ZNHIT6: variants seen among roughly 807,000 people sequenced by gnomAD.
ZNHIT6 encodes the protein box C/D snoRNA protein 1.
Under a neutral mutation model 57.2 loss-of-function variants are expected in ZNHIT6, and 45 were observed. The observed-to-expected ratio is 0.79, with a 90% confidence interval of 0.62 to 1.01. ZNHIT6 has a LOEUF of 1.01. Ranked by LOEUF, ZNHIT6 falls within the 50% of genes least tolerant of loss-of-function variation. The pLI is 0.00. For synonymous variants in ZNHIT6, 188 were observed against 190.0 expected, an observed-to-expected ratio of 0.99 and a Z score of 0.09; for missense variants, 528 against 567.3, an observed-to-expected ratio of 0.93 and a Z score of 0.70.
chr1:85,667,961 A>AAAAAAAAAAAAAAAAGTATATATATAT, intron 8 of ZNHIT6, among the ~76,000 whole-genome samples: 3 of 18,200 alleles, frequency 1.6e-4, no homozygotes, highest in African/African-American at 4.2e-4. Flanking sequence ...AAAAAAAAAA[A>AAAAAAAAAAAAAAAAGTATATATATAT]ATATATATAT....
At position 85,650,303 on chromosome 1, in the gene ZNHIT6, T is replaced by C. The variant is rs1289567092; in HGVS notation, c.*3755A>G. 1 of 152,180 alleles carries C rather than the reference T, an allele frequency of 6.6e-6. No individual in the cohort carries two copies. The highest frequency in any genetic ancestry group is 1.5e-5 in the Non-Finnish European group (1 of 68,048). 9.4% of individuals were successfully genotyped at this position (152,180 alleles called of 1,614,324 possible). A position where few individuals can be genotyped will look rare whatever the true frequency, so the allele number is the denominator to read the frequency against. ...TCTCACCTCACTGTTCCTCATCCCA[T>C]ACAGAATATCCCCAAAGGGAAAATC... is the stretch of plus-strand genomic sequence containing the variant. On this transcript the variant is annotated 3_prime_UTR_variant, in exon 10 of 10. Coordinates refer to ENST00000370574, the MANE Select transcript of ZNHIT6 (RefSeq NM_017953.4).
At chr1:85,693,978 TAAAC>T (rs1428623277) in intron 5 of ZNHIT6, among the ~76,000 whole-genome samples, 1 of 151,792 alleles carries the variant, frequency 6.6e-6, no homozygotes, top group Non-Finnish European at 1.5e-5. Context: ...AAAAAACAGA[TAAAC>T]AAAAAACAAA....
chr1:85,687,305 A>AAAAAAAC (rs1277460608), intron 5 of ZNHIT6, among the ~76,000 whole-genome samples: 1 of 145,898 alleles, frequency 6.9e-6, no homozygotes, highest in African/African-American at 2.5e-5. Context: ...AAAACAAAAA[A>AAAAAAAC]AAAAAACAAT....
chr1:85,657,604 C>A (rs1661096268), intron 9 of ZNHIT6, among the ~76,000 whole-genome samples: 1 of 151,886 alleles, frequency 6.6e-6, no homozygotes, highest in Non-Finnish European at 1.5e-5. Context: ...AAAAAAAGTC[C>A]TTTTATAGCC....
At position 85,649,993 on chromosome 1, in the gene ZNHIT6, G is replaced by A. The variant is rs779412361; in HGVS notation, c.*4065C>T. On this transcript the variant is annotated 3_prime_UTR_variant, in exon 10 of 10. Coordinates refer to ENST00000370574, the MANE Select transcript of ZNHIT6 (RefSeq NM_017953.4). Reference sequence around the variant, plus strand: ...TTACTCCTTCTGTTAGTACAAATCAGAAACTTCTTGCTACTCAAATTCAAA... The same window carrying A: ...TTACTCCTTCTGTTAGTACAAATCAAAAACTTCTTGCTACTCAAATTCAAA... 1 of 152,172 alleles carries A rather than the reference G, an allele frequency of 6.6e-6. No individual in the cohort carries two copies. The highest frequency in any genetic ancestry group is 1.5e-5 in the Non-Finnish European group (1 of 68,036). The allele number at this position is 152,172 out of a possible 1,614,324, so 9.4% of individuals were successfully genotyped here.
intron 5 of ZNHIT6, among the ~76,000 whole-genome samples, chr1:85,700,589 G>A (rs903163940): frequency 6.6e-6 from 1 of 152,030 alleles, no homozygotes; most frequent in Non-Finnish European, 1.5e-5. Flanking sequence ...TTATACTTGA[G>A]GCCATCTGCT....
At position 85,650,150 on chromosome 1, in the gene ZNHIT6, G is replaced by T. The variant is rs982461040; in HGVS notation, c.*3908C>A. 2 of 152,148 alleles carry T rather than the reference G, an allele frequency of 1.3e-5. No individual in the cohort carries two copies. The highest frequency in any genetic ancestry group is 1.5e-5 in the Non-Finnish European group (1 of 68,028). The allele number at this position is 152,148 out of a possible 1,614,324, so 9.4% of individuals were successfully genotyped here. A position where few individuals can be genotyped will look rare whatever the true frequency, so the allele number is the denominator to read the frequency against. ...TTCCTCTCTTGATTAGCTCAGGAAC[G>T]GAATGTGATCCAATCTGGGCAAAAT... On this transcript the variant is annotated 3_prime_UTR_variant, in exon 10 of 10. Coordinates refer to ENST00000370574, the MANE Select transcript of ZNHIT6 (RefSeq NM_017953.4).
At chr1:85,654,154 GCTCTGTCC>G in intron 9 of ZNHIT6, 56 bp from the exon 10 acceptor site, 1 of 1,487,952 alleles carries the variant, frequency 6.7e-7, no homozygotes, top group East Asian at 2.3e-5. Context: ...TGTTTAGGTT[GCTCTGTCC>G]CTCTTCTCTC....
chr1:85,680,593 C>T (rs1378415659), intron 6 of ZNHIT6, among the ~76,000 whole-genome samples: 2 of 152,030 alleles, frequency 1.3e-5, no homozygotes, highest in African/African-American at 4.8e-5. Flanking sequence ...GGCTTTTTTC[C>T]CCCATATTTA....
intron 5 of ZNHIT6, among the ~76,000 whole-genome samples, chr1:85,684,251 C>T (rs1661962369): frequency 6.6e-6 from 1 of 152,138 alleles, no homozygotes; most frequent in Non-Finnish European, 1.5e-5. Flanking sequence ...CTTATGTTCC[C>T]TTCTGGACAA....
At chr1:85,670,555 G>A (rs74097073) in intron 8 of ZNHIT6, among the ~76,000 whole-genome samples, 11 of 152,256 alleles carry the variant, frequency 7.2e-5, no homozygotes, top group African/African-American at 2.4e-4. Flanking sequence ...AAATGAAGAT[G>A]CCTACGGCAA....
intron 5 of ZNHIT6, among the ~76,000 whole-genome samples, chr1:85,692,748 G>A (rs939957287): frequency 6.7e-6 from 1 of 149,778 alleles, no homozygotes; most frequent in African/African-American, 2.5e-5. Context: ...TGTGCTTTTA[G>A]AAGTACATTA....
At chr1:85,655,130 T>G (rs901240843) in intron 9 of ZNHIT6, among the ~76,000 whole-genome samples, 2 of 152,208 alleles carry the variant, frequency 1.3e-5, no homozygotes, top group African/African-American at 4.8e-5. Flanking sequence ...TTGTGAAATT[T>G]TATGAACTTT....
chr1:85,698,773 C>T (rs1032279743), intron 5 of ZNHIT6, among the ~76,000 whole-genome samples: 5 of 151,968 alleles, frequency 3.3e-5, no homozygotes, highest in African/African-American at 1.2e-4. Context: ...CATTATTTAC[C>T]CATTATAAGG....
rs1178148841 is a variant in ZNHIT6, at chr1:85,692,219, C to T, written c.1019+9938G>A. Among the ~76,000 whole-genome samples, 3 of 151,830 alleles carry T rather than the reference C, an allele frequency of 2.0e-5. No homozygotes were observed. In the East Asian group the frequency reaches 5.8e-4, roughly 29 times the overall value. On this transcript the variant is annotated intron_variant, in intron 5 of 9. Coordinates refer to ENST00000370574, the MANE Select transcript of ZNHIT6 (RefSeq NM_017953.4). ...AGGGACACATTTTAGAGGCATATCA[C>T]AAAGGATGGACTTGGTGACTGGGAA...
intron 8 of ZNHIT6, among the ~76,000 whole-genome samples, chr1:85,658,448 T>C (rs900297659): frequency 2.0e-5 from 3 of 152,102 alleles, no homozygotes; most frequent in South Asian, 2.1e-4. Flanking sequence ...GCTAGGATGG[T>C]CTCGATCTCC....
At chr1:85,656,717 A>G (rs1661069573) in intron 9 of ZNHIT6, among the ~76,000 whole-genome samples, 2 of 152,176 alleles carry the variant, frequency 1.3e-5, no homozygotes, top group African/African-American at 4.8e-5. Flanking sequence ...AAGAATAAAA[A>G]TAAGATTTAG....
At chr1:85,701,355 A>C (rs772529610) in intron 5 of ZNHIT6, among the ~76,000 whole-genome samples, 22 of 152,220 alleles carry the variant, frequency 1.4e-4, no homozygotes, top group Non-Finnish European at 2.1e-4. Context: ...AAGAGGCTGA[A>C]AAGGGAGGGA....
chr1:85,676,747 GTAACATTAAAGTGT>G (rs1371819434), intron 8 of ZNHIT6, among the ~76,000 whole-genome samples: 1 of 151,876 alleles, frequency 6.6e-6, no homozygotes, highest in Non-Finnish European at 1.5e-5. Context: ...AATTACAGAA[GTAACATTAAAGTGT>G]TACTACTGTA....
Sources: allele counts gnomAD v4.1 joint callset (sites outside exome capture counted in the v4.1 genomes callset), GRCh38; gene constraint gnomAD v4.1.1; transcripts MANE v1.5; gene names NCBI Gene and HGNC (gene_info 2026-07-23, HGNC 2026-07-21).